Variants in MAST4 observed in about 807,000 individuals in gnomAD.
The protein encoded by MAST4 is microtubule associated serine/threonine kinase family member 4.
A neutral mutation model predicts 162.7 loss-of-function variants in MAST4; 89 were observed. That is an observed-to-expected ratio of 0.55 (90% CI 0.46 to 0.65). The LOEUF (loss-of-function observed/expected upper bound fraction) is 0.65. Among genes scored for constraint, MAST4 ranks in the 30% least tolerant of loss-of-function variants. The pLI is 0.00. For synonymous variants in MAST4, 1,479 were observed against 1,361.1 expected (o/e 1.09, Z -1.91); for missense variants, 3,153 against 3,374.0 (o/e 0.93, Z 1.62).
chr5:66,695,180 T>G (rs1749319311), intron 1 of MAST4, among the ~76,000 whole-genome samples: 1 of 152,208 alleles, frequency 6.6e-6, no homozygotes, highest in Admixed American at 6.5e-5. Flanking sequence ...TAATCCATCT[T>G]GAGTTAATTG....
intron 1 of MAST4, among the ~76,000 whole-genome samples, chr5:66,729,586 A>G (rs951143165): frequency 2.6e-5 from 4 of 152,162 alleles, no homozygotes; most frequent in Admixed American, 1.3e-4. Context: ...AATGCTGCAT[A>G]TTGAGGGCCT....
intron 4 of MAST4, among the ~76,000 whole-genome samples, chr5:67,039,576 C>T (rs942969623): frequency 6.6e-6 from 1 of 152,122 alleles, no homozygotes; most frequent in Non-Finnish European, 1.5e-5. Flanking sequence ...CGAATGAGTT[C>T]CTCTCATTAA....
At chr5:66,688,030 T>C (rs1365343654) in intron 1 of MAST4, among the ~76,000 whole-genome samples, 1 of 152,198 alleles carries the variant, frequency 6.6e-6, no homozygotes, top group East Asian at 1.9e-4. Flanking sequence ...CTTATATCCA[T>C]GAAAATTGTT....
intron 4 of MAST4, among the ~76,000 whole-genome samples, chr5:66,921,166 CAT>C (rs751256653): frequency 1.4e-4 from 21 of 152,098 alleles, no homozygotes; most frequent in Admixed American, 3.3e-4. Flanking sequence ...TTAAAAAAAT[CAT>C]GTGTGTTGAT....
At chr5:66,823,520 C>T (rs989795783) in intron 3 of MAST4, among the ~76,000 whole-genome samples, 18 of 152,176 alleles carry the variant, frequency 1.2e-4, no homozygotes, top group African/African-American at 1.7e-4. Flanking sequence ...CTGTGTTGCT[C>T]GGGCAGGAGT....
chr5:66,892,877 C>A (rs1275651290), intron 3 of MAST4, among the ~76,000 whole-genome samples: 2 of 152,176 alleles, frequency 1.3e-5, no homozygotes, highest in Admixed American at 1.3e-4. Context: ...ACTTGTGTGT[C>A]CTGTCCAGGC....
rs759862157 is a variant in MAST4, at chr5:66,903,534, A to G, written c.674+3552A>G. ...TAAATATGATTTGACAATAACTGCA[A>G]TATCTACAGTGGCAGACACCAATTG... On this transcript the variant is annotated intron_variant, in intron 4 of 28. Coordinates refer to ENST00000403625, the MANE Select transcript of MAST4 (RefSeq NM_001164664.2). Among the ~76,000 whole-genome samples, 34 of 152,122 alleles carry G rather than the reference A, an allele frequency of 2.2e-4. 1 individual carries two copies. The highest frequency in any genetic ancestry group is 4.4e-4 in the Non-Finnish European group (30 of 68,022).
intron 2 of MAST4, among the ~76,000 whole-genome samples, chr5:66,767,623 T>C (rs1004404521): frequency 2.7e-5 from 4 of 150,852 alleles, no homozygotes; most frequent in Non-Finnish European, 4.4e-5. Flanking sequence ...CACACACACA[T>C]ATATATAAAG....
intron 1 of MAST4, among the ~76,000 whole-genome samples, chr5:66,677,667 G>A (rs540744674): frequency 1.3e-5 from 2 of 152,196 alleles, no homozygotes; most frequent in Non-Finnish European, 2.9e-5. Flanking sequence ...GAGCAGAGAT[G>A]TGTGTTTGAG....
intron 3 of MAST4, among the ~76,000 whole-genome samples, chr5:66,860,862 A>C (rs1367249990): frequency 6.6e-6 from 1 of 151,980 alleles, no homozygotes; most frequent in Non-Finnish European, 1.5e-5. Flanking sequence ...CGCCTGGGAC[A>C]ATCAGAGTGG....
chr5:67,085,003 G>C (rs79742760), intron 5 of MAST4, among the ~76,000 whole-genome samples: 3,707 of 152,158 alleles, frequency 0.024, 136 homozygotes, highest in East Asian at 0.18. Flanking sequence ...TTGCATAATC[G>C]TGGACTATGA....
intron 11 of MAST4, among the ~76,000 whole-genome samples, chr5:67,112,107 G>A (rs1471989795): frequency 6.6e-6 from 1 of 151,448 alleles, no homozygotes; most frequent in Non-Finnish European, 1.5e-5. Flanking sequence ...CAGGTGAAAT[G>A]CTGAGATTCC....
chr5:66,832,652 A>T (rs1757695220), intron 3 of MAST4, among the ~76,000 whole-genome samples: 2 of 152,162 alleles, frequency 1.3e-5, no homozygotes, highest in Non-Finnish European at 2.9e-5. Flanking sequence ...CTTCTGTCTC[A>T]ACCTTAATAT....
intron 4 of MAST4, among the ~76,000 whole-genome samples, chr5:66,973,176 G>A (rs1011047665): frequency 1.3e-5 from 2 of 151,920 alleles, no homozygotes; most frequent in Non-Finnish European, 2.9e-5. Flanking sequence ...TATCTCCTAA[G>A]AATAAGTATA....
At chr5:66,834,563 G>A (rs531447688) in intron 3 of MAST4, among the ~76,000 whole-genome samples, 10 of 152,140 alleles carry the variant, frequency 6.6e-5, no homozygotes, top group Non-Finnish European at 1.0e-4. Context: ...ACCTAACATG[G>A]TTTATAAGGA....
intron 4 of MAST4, chr5:67,004,888 T>C (rs1751783692): frequency 3.0e-6 from 2 of 669,470 alleles, no homozygotes; most frequent in African/African-American, 1.9e-5. Context: ...GAGTAGATAA[T>C]TGGGATTTTT....
At chr5:66,899,600 T>C (rs1446710522) in intron 3 of MAST4, among the ~76,000 whole-genome samples, 2 of 152,196 alleles carry the variant, frequency 1.3e-5, no homozygotes, top group Non-Finnish European at 2.9e-5. Context: ...CTCCTACTTC[T>C]TATAGTTAAA....
At chr5:66,872,895 C>A (rs1046459847) in intron 3 of MAST4, among the ~76,000 whole-genome samples, 2 of 152,122 alleles carry the variant, frequency 1.3e-5, no homozygotes, top group Non-Finnish European at 2.9e-5. Flanking sequence ...CTTTTGTTCC[C>A]CCTCTTTCTT....
At chr5:66,964,019 T>C (rs1424257782) in intron 4 of MAST4, 4 of 671,684 alleles carry the variant, frequency 6.0e-6, no homozygotes, top group Non-Finnish European at 1.1e-5. Context: ...TATGTGACAG[T>C]TTTTCATTTT....
Sources: gnomAD v4.1 joint callset for allele counts (sites outside exome capture counted in the v4.1 genomes callset) on GRCh38, gnomAD v4.1.1 for gene constraint, MANE v1.5 for transcripts, NCBI Gene and HGNC (gene_info 2026-07-23, HGNC 2026-07-21) for gene names.